Variants in ATP2B4 observed in about 807,000 individuals in gnomAD.
The protein encoded by ATP2B4 is ATPase plasma membrane Ca2+ transporting 4.
In ATP2B4, 39 loss-of-function variants were observed where a neutral mutation model predicts 110.3. The ratio of observed to expected loss-of-function variants is 0.35; its 90% CI spans 0.27 to 0.46. The LOEUF is 0.46. Ranked by LOEUF, ATP2B4 falls within the 20% of genes least tolerant of loss-of-function variation. The pLI, the probability that ATP2B4 is intolerant of heterozygous loss-of-function variation, is 1.00. For synonymous variants in ATP2B4, 538 were observed against 571.7 expected (o/e 0.94, Z 0.84); for missense variants, 1,135 against 1,530.9 (o/e 0.74, Z 4.32).
rs1297273499 is a variant in ATP2B4, at chr1:203,743,461, T to C, written c.*3607T>C. On this transcript the variant is annotated 3_prime_UTR_variant, in exon 21 of 21. Transcript: ENST00000357681. ...AGTCCTTTTGCCTTCCCAACCCTGC[T>C]GTTAGGCCTGCTGTTCCCTTTGCTC... is the stretch of plus-strand genomic sequence containing the variant. 6.5e-6 allele frequency: 1 copy of C among 152,716 alleles called. No individual in the cohort carries two copies. Among genetic ancestry groups the C allele is most frequent in the Non-Finnish European group, 1.5e-5 (1 of 68,098 alleles). 9.5% of individuals were successfully genotyped at this position (152,716 alleles called of 1,614,324 possible). A position where few individuals can be genotyped will look rare whatever the true frequency, so the allele number is the denominator to read the frequency against.
At position 203,707,061 on chromosome 1, in the gene ATP2B4, T is replaced by G; in HGVS notation, c.1152T>G (p.Ile384Met). Residue 384 changes from isoleucine to methionine, a missense_variant, in exon 9 of 21, where the codon ATT (isoleucine) becomes ATG (methionine). Ile to Met is a conservative substitution (Grantham distance 10). Coordinates refer to ENST00000357681, the MANE Select transcript of ATP2B4 (RefSeq NM_001684.5). ...TCATCCTGATTCTATACTTTGTGAT[T>G]GACAACTTTGTGATAAATCGCAGAC... is the stretch of plus-strand genomic sequence containing the variant. ...TVFILILYFV[I>M]DNFVINRRPW... The G allele has an allele frequency of 6.2e-7, 1 of 1,614,122 alleles. No homozygotes were observed. Among genetic ancestry groups the G allele is most frequent in the Non-Finnish European group, 8.5e-7 (1 of 1,179,996 alleles).
At chr1:203,714,432 A>T (rs1421224674) in intron 15 of ATP2B4, among the ~76,000 whole-genome samples, 155 bp downstream of exon 15, 1 of 152,136 alleles carries the variant, frequency 6.6e-6, no homozygotes, top group African/African-American at 2.4e-5. Flanking sequence ...GCCAATCATG[A>T]TATATGTAAC....
In ATP2B4 at chr1:203,726,234, C is replaced by T. The variant is rs1269026856; in HGVS notation, c.3133-1161C>T. Among the ~76,000 whole-genome samples, 8 of 151,790 alleles carry T rather than the reference C, an allele frequency of 5.3e-5. No homozygotes were observed. The East Asian group carries it at 7.8e-4, about 15-fold the overall frequency. On this transcript the variant is annotated intron_variant, in intron 19 of 20. Coordinates refer to ENST00000357681, the MANE Select transcript of ATP2B4 (RefSeq NM_001684.5). ...GGATGACAAGAGTGAGACTCTATGTCGAAAAACAAAAAATAAAGAGATTGG... is the reference window on the plus strand; with the variant it reads ...GGATGACAAGAGTGAGACTCTATGTTGAAAAACAAAAAATAAAGAGATTGG...
chr1:203,676,796 TTCTGGCTTG>T (rs1664841270), intron 1 of ATP2B4, among the ~76,000 whole-genome samples: 1 of 150,074 alleles, frequency 6.7e-6, no homozygotes, highest in African/African-American at 2.4e-5. Flanking sequence ...GCCCAGTGCT[TTCTGGCTTG>T]GGGTGGGGGT....
chr1:203,638,008 G>C (rs1663509416), intron 1 of ATP2B4, among the ~76,000 whole-genome samples: 1 of 152,186 alleles, frequency 6.6e-6, no homozygotes, highest in Admixed American at 6.5e-5. Context: ...GGGGCTGAAG[G>C]GGTCTTAGTG....
intron 15 of ATP2B4, among the ~76,000 whole-genome samples, chr1:203,715,657 T>A (rs1666141098): frequency 6.9e-6 from 1 of 144,936 alleles, no homozygotes; most frequent in African/African-American, 2.5e-5. Flanking sequence ...TCTATATATC[T>A]AAAAGAATCT....
chr1:203,721,922 G>C (rs937605479), intron 17 of ATP2B4, among the ~76,000 whole-genome samples: 10 of 151,880 alleles, frequency 6.6e-5, no homozygotes, highest in African/African-American at 2.4e-4. Flanking sequence ...CAGCCCCCCA[G>C]AGTGCTGGGA....
chr1:203,694,454 A>C (rs968483920), intron 2 of ATP2B4, among the ~76,000 whole-genome samples: 1 of 152,196 alleles, frequency 6.6e-6, no homozygotes, highest in African/African-American at 2.4e-5. Context: ...GAGGTGAGGA[A>C]GTGAGCCCTC....
At chr1:203,676,963 A>T (rs979512363) in intron 1 of ATP2B4, among the ~76,000 whole-genome samples, 6 of 152,166 alleles carry the variant, frequency 3.9e-5, no homozygotes, top group African/African-American at 1.4e-4. Context: ...GGAACAAGGG[A>T]CAGATGGGTT....
At chr1:203,713,448 GT>G (rs779704853) in intron 14 of ATP2B4, among the ~76,000 whole-genome samples, 196 bp downstream of exon 14, 1 of 151,706 alleles carries the variant, frequency 6.6e-6, no homozygotes, top group Non-Finnish European at 1.5e-5. Flanking sequence ...AAGTTGTTGG[GT>G]TTTTATTTTT....
chr1:203,704,705 T>C (rs551216886), intron 8 of ATP2B4, among the ~76,000 whole-genome samples: 1 of 152,150 alleles, frequency 6.6e-6, no homozygotes, highest in East Asian at 1.9e-4. Flanking sequence ...GGTCTCGAAC[T>C]CCTGGTCTCA....
Position 203,703,867 on chromosome 1 carries a change from C to G in ATP2B4, c.1099+54C>G, listed in dbSNP as rs1665767876. ...TATCAATGTTGTCTTGGATCCTCAT[C>G]ACTTTTATCCCCTTCTTTCTGCACC... On this transcript the variant is annotated intron_variant, in intron 8 of 20. Coordinates refer to ENST00000357681, the MANE Select transcript of ATP2B4 (RefSeq NM_001684.5). The G allele has an allele frequency of 2.0e-5, 31 of 1,571,702 alleles. No individual in the cohort carries two copies. In the South Asian group the frequency reaches 3.6e-4, roughly 18 times the overall value.
chr1:203,721,145 G>T, intron 16 of ATP2B4, 52 bp from the exon 17 acceptor site: 2 of 1,594,496 alleles, frequency 1.3e-6, no homozygotes, highest in South Asian at 1.1e-5. Context: ...ACAGGGCAAA[G>T]GTGGGCTGGT....
chr1:203,699,973 A>G (rs61282475), intron 4 of ATP2B4, among the ~76,000 whole-genome samples: 1,580 of 152,212 alleles, frequency 0.01, 32 homozygotes, highest in African/African-American at 0.036. Flanking sequence ...AGGCCATGGA[A>G]AGGTGTTGGG....
chr1:203,709,273 A>G, intron 10 of ATP2B4, 28 bp from the exon 11 acceptor site: 6 of 1,613,848 alleles, frequency 3.7e-6, no homozygotes, highest in Non-Finnish European at 5.1e-6. Context: ...ATCTTACTCA[A>G]TAGTGCTGTG....
chr1:203,659,832 C>T (rs1302581155), intron 1 of ATP2B4, among the ~76,000 whole-genome samples: 1 of 152,036 alleles, frequency 6.6e-6, no homozygotes, highest in Non-Finnish European at 1.5e-5. Flanking sequence ...GCCTGTAATT[C>T]CAGCACTTTG....
intron 2 of ATP2B4, among the ~76,000 whole-genome samples, chr1:203,687,763 C>T (rs1230986156): frequency 6.6e-6 from 1 of 152,036 alleles, no homozygotes; most frequent in Non-Finnish European, 1.5e-5. Flanking sequence ...ATTCTAAAGG[C>T]AGGTGGGACT....
At chr1:203,648,783 A>G (rs935199432) in intron 1 of ATP2B4, among the ~76,000 whole-genome samples, 6 of 152,176 alleles carry the variant, frequency 3.9e-5, no homozygotes, top group African/African-American at 1.4e-4. Flanking sequence ...CATCTTGAGG[A>G]CAGAAATGAG....
chr1:203,689,486 T>C (rs1303297053), intron 2 of ATP2B4, among the ~76,000 whole-genome samples: 117 of 152,224 alleles, frequency 7.7e-4, no homozygotes, highest in Non-Finnish European at 1.3e-4. Flanking sequence ...AATTATTAAC[T>C]GTAGGCCTTC....
Sources: allele counts gnomAD v4.1 joint callset (sites outside exome capture counted in the v4.1 genomes callset), GRCh38; gene constraint gnomAD v4.1.1; transcripts MANE v1.5; gene names NCBI Gene and HGNC (gene_info 2026-07-23, HGNC 2026-07-21).